Variants in MXD1 observed in about 807,000 individuals in gnomAD.
MXD1 encodes MAX-binding protein.
MXD1 carries 9 observed loss-of-function variants against 25.7 expected under a neutral mutation model. That is an observed-to-expected ratio of 0.35 (90% confidence interval 0.21 to 0.61). The LOEUF (loss-of-function observed/expected upper bound fraction) is 0.61. Ranked by LOEUF, MXD1 falls within the 20% of genes least tolerant of loss-of-function variation. The probability of loss-of-function intolerance (pLI) is 0.75; values close to 1 mark genes in which losing one functional copy is unlikely to be tolerated. For synonymous variants in MXD1, 99 were observed against 113.9 expected, an observed-to-expected ratio of 0.87 and a Z score of 0.83; for missense variants, 227 against 292.4, an observed-to-expected ratio of 0.78 and a Z score of 1.63.
chr2:69,921,476 G>T (rs1677063250), intron 2 of MXD1, among the ~76,000 whole-genome samples: 1 of 152,060 alleles, frequency 6.6e-6, no homozygotes, highest in Admixed American at 6.5e-5. Context: ...TTTATTTCTT[G>T]TCTTAAAATG....
At chr2:69,925,248 A>ATG (rs59577798) in intron 3 of MXD1, among the ~76,000 whole-genome samples, 32,845 of 149,566 alleles carry the variant, frequency 0.22, 3,728 homozygotes, top group African/African-American at 0.28. Flanking sequence ...AGGGTGGGGT[A>ATG]TGTGTGTGTG....
chr2:69,917,293 C>T (rs933449868), intron 2 of MXD1, among the ~76,000 whole-genome samples: 3 of 152,136 alleles, frequency 2.0e-5, no homozygotes, highest in Non-Finnish European at 4.4e-5. Flanking sequence ...TGTGCCATGC[C>T]CTTGAATAAA....
chr2:69,931,006 C>G (rs563462433), intron 3 of MXD1, among the ~76,000 whole-genome samples: 2 of 152,306 alleles, frequency 1.3e-5, no homozygotes, highest in East Asian at 3.9e-4. Context: ...GCCAGGATCT[C>G]AAACATTTAC....
At chr2:69,936,244 C>T (rs1677435697) in intron 4 of MXD1, among the ~76,000 whole-genome samples, 1 of 152,164 alleles carries the variant, frequency 6.6e-6, no homozygotes, top group African/African-American at 2.4e-5. Context: ...GGTCCCATCA[C>T]TGGGTATCTC....
chr2:69,933,604 G>A (rs1387043369), intron 3 of MXD1, among the ~76,000 whole-genome samples: 1 of 152,136 alleles, frequency 6.6e-6, no homozygotes, highest in Non-Finnish European at 1.5e-5. Flanking sequence ...GGAGAGTTTA[G>A]GACAACTTCC....
At chr2:69,928,274 T>C (rs751119681) in intron 3 of MXD1, among the ~76,000 whole-genome samples, 12 of 151,968 alleles carry the variant, frequency 7.9e-5, no homozygotes, top group African/African-American at 2.9e-4. Context: ...AACCTCAGAG[T>C]TAAACAGGCT....
chr2:69,918,358 C>T (rs1441081168), intron 2 of MXD1, among the ~76,000 whole-genome samples: 1 of 152,114 alleles, frequency 6.6e-6, no homozygotes, highest in Non-Finnish European at 1.5e-5. Flanking sequence ...ACTGAAAATG[C>T]AGATCTTATT....
intron 5 of MXD1, 55 bp downstream of exon 5, chr2:69,937,449 A>T: frequency 7.1e-7 from 1 of 1,405,422 alleles, no homozygotes; most frequent in Non-Finnish European, 9.2e-7. Flanking sequence ...ACCCCAGAGC[A>T]GGGGTTCAGT....
In MXD1 at chr2:69,929,838, G is replaced by C. The variant is rs569554411; in HGVS notation, c.204-5513G>C. Among the ~76,000 whole-genome samples the C allele has an allele frequency of 2.0e-5, 3 of 152,012 alleles. No homozygotes were observed. The East Asian group carries it at 5.8e-4, about 29-fold the overall frequency. ...CTATCTATTCTTAGGTCTGTTTCTG[G>C]GGATTTCTATCCTATTCATTTGATT... On this transcript the variant is annotated intron_variant, in intron 3 of 5. Transcript: ENST00000264444.
At chr2:69,922,431 T>G (rs1173318316) in intron 3 of MXD1, among the ~76,000 whole-genome samples, 3 of 152,240 alleles carry the variant, frequency 2.0e-5, no homozygotes, top group Non-Finnish European at 4.4e-5. Flanking sequence ...CAACTCTGGT[T>G]GCACATTAGA....
In MXD1 at chr2:69,915,934, G is replaced by A. The variant is rs942738054; in HGVS notation, c.74-187G>A. 1.3e-5 allele frequency among the ~76,000 whole-genome samples: 2 copies of A among 152,226 alleles called. No individual in the cohort carries two copies. Among genetic ancestry groups the A allele is most frequent in the Non-Finnish European group, 2.9e-5 (2 of 68,040 alleles). On this transcript the variant is annotated intron_variant, in intron 1 of 5. Transcript: ENST00000264444. The surrounding 1 kb of genome is among the most constrained non-coding windows in gnomAD (Gnocchi z 5.8). ...AGCAGCTGGAATCCTCCTTACACCT[G>A]CTCCGAATTGACGATATTCACACAA...
At chr2:69,922,486 T>A (rs1677085689) in intron 3 of MXD1, among the ~76,000 whole-genome samples, 2 of 152,236 alleles carry the variant, frequency 1.3e-5, no homozygotes, top group Non-Finnish European at 1.5e-5. Context: ...TATTTTTATA[T>A]TAAATACATT....
At chr2:69,922,269 C>G (rs1483122787) in intron 3 of MXD1, among the ~76,000 whole-genome samples, 1 of 152,088 alleles carries the variant, frequency 6.6e-6, no homozygotes, top group African/African-American at 2.4e-5. Flanking sequence ...GAGATGGTGC[C>G]TAACTAGAGG....
chr2:69,920,298 G>A (rs966092857), intron 2 of MXD1, among the ~76,000 whole-genome samples: 6 of 152,152 alleles, frequency 3.9e-5, no homozygotes, highest in African/African-American at 1.4e-4. Context: ...AAACTTTTAA[G>A]TTAACCAATT....
chr2:69,922,879 C>A (rs1266945498), intron 3 of MXD1, among the ~76,000 whole-genome samples: 817 of 114,444 alleles, frequency 7.1e-3, no homozygotes, highest in Middle Eastern at 0.011. Flanking sequence ...GACTCCGTCT[C>A]AAAAAAAAAA....
chr2:69,930,553 T>A (rs767298851), intron 3 of MXD1, among the ~76,000 whole-genome samples: 5 of 152,254 alleles, frequency 3.3e-5, no homozygotes, highest in Non-Finnish European at 7.3e-5. Context: ...AAAGAAATAG[T>A]ACTTTTAGCA....
intron 2 of MXD1, among the ~76,000 whole-genome samples, chr2:69,920,766 C>T (rs1019243982): frequency 2.0e-5 from 3 of 152,132 alleles, no homozygotes; most frequent in Non-Finnish European, 4.4e-5. Flanking sequence ...CTTTATAATA[C>T]TGGTAGCTTC....
At chr2:69,931,495 C>G (rs1182538040) in intron 3 of MXD1, among the ~76,000 whole-genome samples, 1 of 152,202 alleles carries the variant, frequency 6.6e-6, no homozygotes, top group Non-Finnish European at 1.5e-5. Context: ...CATGTTGTTG[C>G]AAATGACAGG....
chr2:69,928,423 C>T (rs2104184612), intron 3 of MXD1, among the ~76,000 whole-genome samples: 1 of 152,136 alleles, frequency 6.6e-6, no homozygotes, highest in East Asian at 1.9e-4. Flanking sequence ...AAAGGAGAGC[C>T]CATTCTATAA....
Sources: gnomAD v4.1 joint callset for allele counts (sites outside exome capture counted in the v4.1 genomes callset) on GRCh38, gnomAD v4.1.1 for gene constraint, Gnocchi (gnomAD v3.1) non-coding constraint, MANE v1.5 for transcripts, NCBI Gene and HGNC (gene_info 2026-07-23, HGNC 2026-07-21) for gene names.